Variants in LAPTM4B observed in about 807,000 individuals in gnomAD.
LAPTM4B encodes lysosomal protein transmembrane 4 beta, also known as lysosomal-associated transmembrane protein 4B.
In LAPTM4B, 26 loss-of-function variants were observed where a neutral mutation model predicts 28.5. The ratio of observed to expected loss-of-function variants is 0.91; its 90% confidence interval spans 0.67 to 1.27. LAPTM4B has a LOEUF of 1.27. Ranked by LOEUF, LAPTM4B falls within the 50% of genes most tolerant of loss-of-function variation. The probability of loss-of-function intolerance (pLI) is 0.00; values close to 1 mark genes in which losing one functional copy is unlikely to be tolerated. For missense variants in LAPTM4B, 288 were observed against 285.8 expected, an observed-to-expected ratio of 1.01 and a Z score of -0.06; for synonymous variants, 109 against 106.4, an observed-to-expected ratio of 1.02 and a Z score of -0.15.
intron 4 of LAPTM4B, 142 bp downstream of exon 4, chr8:97,816,322 T>C: frequency 1.3e-6 from 1 of 743,926 alleles, no homozygotes; most frequent in Non-Finnish European, 2.0e-6. Context: ...ATTTCTTTTT[T>C]CTTTTTTTTG....
At chr8:97,792,726 C>G (rs1289992243) in intron 1 of LAPTM4B, among the ~76,000 whole-genome samples, 1 of 152,014 alleles carries the variant, frequency 6.6e-6, no homozygotes, top group Non-Finnish European at 1.5e-5. Flanking sequence ...ATTACAGGCT[C>G]CTGGCACCAC....
chr8:97,830,597 G>A (rs562520117), intron 6 of LAPTM4B, among the ~76,000 whole-genome samples: 6 of 152,176 alleles, frequency 3.9e-5, no homozygotes, highest in South Asian at 2.1e-4. Context: ...GAAGAGAAGT[G>A]GGGGAGAGTA....
At chr8:97,792,404 G>A (rs187554658) in intron 1 of LAPTM4B, among the ~76,000 whole-genome samples, 1 of 152,058 alleles carries the variant, frequency 6.6e-6, no homozygotes, top group African/African-American at 2.4e-5. Context: ...ACAGGTGCGA[G>A]CCACCACAAC....
chr8:97,778,345 G>A (rs1816258739), intron 1 of LAPTM4B, among the ~76,000 whole-genome samples: 3 of 150,568 alleles, frequency 2.0e-5, no homozygotes, highest in African/African-American at 7.3e-5. Flanking sequence ...TTTTCACTCA[G>A]ACCTTTGAAT....
chr8:97,776,003 C>T lies in LAPTM4B; in HGVS notation c.-7C>T, dbSNP rs1373127018. ...GCGCGCGCGCTCGCGCCACTGCGCC[C>T]GGAGCGATGAAGATGGTCGCGCCCT... is the stretch of plus-strand genomic sequence containing the variant. On this transcript the variant is annotated 5_prime_UTR_variant, in exon 1 of 7. Coordinates refer to ENST00000521545, the MANE Select transcript of LAPTM4B (RefSeq NM_018407.6). 2 of 1,571,686 alleles carry T rather than the reference C, an allele frequency of 1.3e-6. No homozygotes were observed. Among genetic ancestry groups the T allele is most frequent in the Non-Finnish European group, 1.7e-6 (2 of 1,164,736 alleles).
rs1237489740 is a variant in LAPTM4B, at chr8:97,817,823, C to T, written c.409-1317C>T. ...CAGGCTGGTCTCGAACTCCTGACCT[C>T]AGGTGATCCGCCCACCTTGGCCTCC... On this transcript the variant is annotated intron_variant, in intron 4 of 6. Coordinates refer to ENST00000521545, the MANE Select transcript of LAPTM4B (RefSeq NM_018407.6). Among the ~76,000 whole-genome samples the T allele has an allele frequency of 5.3e-5, 8 of 152,116 alleles. No individual in the cohort carries two copies. In the East Asian group the frequency reaches 1.5e-3, roughly 29 times the overall value.
intron 6 of LAPTM4B, among the ~76,000 whole-genome samples, chr8:97,849,377 C>G (rs1228348175): frequency 6.6e-6 from 1 of 152,114 alleles, no homozygotes; most frequent in Non-Finnish European, 1.5e-5. Flanking sequence ...GACTGAGTTC[C>G]CTGGACACCT....
intron 5 of LAPTM4B, among the ~76,000 whole-genome samples, chr8:97,823,846 C>T (rs913512498): frequency 8.6e-5 from 13 of 151,816 alleles, no homozygotes; most frequent in Non-Finnish European, 1.3e-4. Context: ...TACAGGCGCA[C>T]GCTGCCACAC....
intron 1 of LAPTM4B, among the ~76,000 whole-genome samples, chr8:97,783,889 A>G (rs1238305333): frequency 6.6e-6 from 1 of 152,206 alleles, no homozygotes; most frequent in Non-Finnish European, 1.5e-5. Context: ...GTGTGCACGT[A>G]ATACATTTGT....
chr8:97,818,870 G>GAAAAAAAAAAAAAAAAAAAAAAAA (rs58053654), intron 4 of LAPTM4B, among the ~76,000 whole-genome samples: 1 of 117,966 alleles, frequency 8.5e-6, no homozygotes, highest in Non-Finnish European at 1.8e-5. Context: ...TCTCAAAAAA[G>GAAAAAAAAAAAAAAAAAAAAAAAA]AAAAAAAAAA....
chr8:97,778,765 A>T (rs1018079200), intron 1 of LAPTM4B, among the ~76,000 whole-genome samples: 2 of 152,056 alleles, frequency 1.3e-5, no homozygotes. Flanking sequence ...GAACAAAAGT[A>T]TAAAAGAAAA....
intron 6 of LAPTM4B, among the ~76,000 whole-genome samples, chr8:97,832,857 C>T (rs1237989170): frequency 6.7e-6 from 1 of 149,766 alleles, no homozygotes; most frequent in Non-Finnish European, 1.5e-5. Context: ...CAGGTGCGCA[C>T]CGCCACGCCT....
chr8:97,827,748 G>A (rs182108326), intron 6 of LAPTM4B, among the ~76,000 whole-genome samples: 19 of 152,344 alleles, frequency 1.2e-4, no homozygotes, highest in African/African-American at 4.3e-4. Context: ...TCAGGTGCGA[G>A]CGGGCTGAGT....
intron 1 of LAPTM4B, among the ~76,000 whole-genome samples, chr8:97,782,735 CT>C (rs1016448852): frequency 2.7e-4 from 39 of 142,960 alleles, no homozygotes; most frequent in South Asian, 4.4e-4. Flanking sequence ...CGTCCCCAGC[CT>C]TTTTTTTTTT....
At chr8:97,835,795 A>C (rs901112619) in intron 6 of LAPTM4B, among the ~76,000 whole-genome samples, 2 of 152,172 alleles carry the variant, frequency 1.3e-5, no homozygotes, top group Non-Finnish European at 2.9e-5. Context: ...ACTGCTGCCA[A>C]AATTTGGTTA....
At chr8:97,837,394 C>T (rs1032019162) in intron 6 of LAPTM4B, among the ~76,000 whole-genome samples, 2 of 151,844 alleles carry the variant, frequency 1.3e-5, no homozygotes, top group Non-Finnish European at 2.9e-5. Flanking sequence ...GGTTTCACCA[C>T]GTTGGCCAGG....
chr8:97,834,650 T>C (rs1321313443), intron 6 of LAPTM4B, among the ~76,000 whole-genome samples: 3 of 152,048 alleles, frequency 2.0e-5, no homozygotes, highest in Non-Finnish European at 4.4e-5. Context: ...CACCTGGGCC[T>C]CAAACTTAAG....
intron 6 of LAPTM4B, among the ~76,000 whole-genome samples, chr8:97,845,597 T>C (rs531299576): frequency 5.3e-5 from 8 of 152,178 alleles, no homozygotes; most frequent in South Asian, 4.2e-4. Context: ...AACAGACTTA[T>C]GGTGCAATTA....
intron 6 of LAPTM4B, among the ~76,000 whole-genome samples, chr8:97,825,928 A>T (rs1038923618): frequency 5.9e-5 from 9 of 152,194 alleles, no homozygotes; most frequent in Non-Finnish European, 1.0e-4. Context: ...GTCAAAACGG[A>T]TAGGATTGGA....
Sources: allele counts gnomAD v4.1 joint callset (sites outside exome capture counted in the v4.1 genomes callset), GRCh38; gene constraint gnomAD v4.1.1; transcripts MANE v1.5; gene names NCBI Gene and HGNC (gene_info 2026-07-23, HGNC 2026-07-21).